The following SOCS2 variants were observed in gnomAD, a reference collection of about 807,000 sequenced individuals.
SOCS2 encodes CIS-2.
Under a neutral mutation model 18.6 loss-of-function variants are expected in SOCS2, and 10 were observed. That is an observed-to-expected ratio of 0.54 (90% CI 0.33 to 0.91). The LOEUF is 0.91. SOCS2 is among the 40% of genes least tolerant of loss of function. The pLI, the probability that SOCS2 is intolerant of heterozygous loss-of-function variation, is 0.02. For missense variants in SOCS2, 231 were observed against 247.2 expected, an observed-to-expected ratio of 0.93 and a Z score of 0.44; for synonymous variants, 104 against 104.0, an observed-to-expected ratio of 1.00 and a Z score of 0.00.
chr12:93,597,180 C>T, the SOCS2 span, among the ~76,000 whole-genome samples: 3 of 152,182 alleles, frequency 2.0e-5, no homozygotes, highest in South Asian at 2.1e-4. Context: ...CATTTTATTA[C>T]CTGTAGATTG....
In SOCS2 at chr12:93,576,442, G is replaced by A. The variant is rs1369488350; in HGVS notation, c.*1263G>A. ...TAATTTGAATAGGCATAACACTGAT[G>A]TCCTCTGTGTTTCCAAAAACATGGT... is the stretch of plus-strand genomic sequence containing the variant. On this transcript the variant is annotated 3_prime_UTR_variant, in exon 2 of 2. Transcript: ENST00000551556. 3 of 152,184 alleles carry A rather than the reference G, an allele frequency of 2.0e-5. No individual in the cohort carries two copies. The highest frequency in any genetic ancestry group is 6.5e-5 in the Admixed American group (1 of 15,276). The allele number at this position is 152,184 out of a possible 1,614,324, so 9.4% of individuals were successfully genotyped here. A position where few individuals can be genotyped will look rare whatever the true frequency, so the allele number is the denominator to read the frequency against.
chr12:93,601,980 T>C, the SOCS2 span, among the ~76,000 whole-genome samples: 1 of 152,228 alleles, frequency 6.6e-6, no homozygotes, highest in African/African-American at 2.4e-5. Flanking sequence ...ACCATCAGCA[T>C]GTACAGTTAC....
At chr12:93,595,369 G>T in the SOCS2 span, among the ~76,000 whole-genome samples, 1 of 152,268 alleles carries the variant, frequency 6.6e-6, no homozygotes, top group South Asian at 2.1e-4. Flanking sequence ...TGCAGATCCA[G>T]TCACTATAAA....
the SOCS2 span, among the ~76,000 whole-genome samples, chr12:93,619,363 G>C: frequency 6.6e-6 from 1 of 152,178 alleles, no homozygotes. Context: ...GAACAGGGCA[G>C]GAAGGGTGGG....
At chr12:93,618,110 C>T in the SOCS2 span, among the ~76,000 whole-genome samples, 2 of 152,174 alleles carry the variant, frequency 1.3e-5, no homozygotes, top group South Asian at 4.1e-4. Context: ...GTGGCACCTC[C>T]CACTCTCTCT....
At chr12:93,584,771 T>C (rs1012093211), downstream of SOCS2, among the ~76,000 whole-genome samples, 1 of 151,160 alleles carries the variant, frequency 6.6e-6, no homozygotes, top group African/African-American at 2.4e-5. Flanking sequence ...CTTCCCTTCT[T>C]TTTTTTTTGA....
the SOCS2 span, among the ~76,000 whole-genome samples, chr12:93,620,799 A>G: frequency 6.6e-6 from 1 of 152,236 alleles, no homozygotes; most frequent in South Asian, 2.1e-4. Context: ...ATTAAACACT[A>G]CAATTGTTAA....
chr12:93,577,648 AACCAGATCAACTGGAAAAG>A (rs1431549862), downstream of SOCS2, among the ~76,000 whole-genome samples: 1 of 151,120 alleles, frequency 6.6e-6, no homozygotes, highest in African/African-American at 2.5e-5. Flanking sequence ...ACTGCTGTTC[AACCAGATCAACTGGAAAAG>A]TATAGATACC....
the SOCS2 span, among the ~76,000 whole-genome samples, chr12:93,623,494 T>G: frequency 6.6e-6 from 1 of 152,174 alleles, no homozygotes; most frequent in Non-Finnish European, 1.5e-5. Flanking sequence ...TAGTTACATA[T>G]GTATACATGT....
chr12:93,614,539 CCTT>C, the SOCS2 span, among the ~76,000 whole-genome samples: 42 of 82,514 alleles, frequency 5.1e-4, 2 homozygotes, highest in African/African-American at 1.5e-3. Context: ...TTCCTTCCTT[CCTT>C]CTTTCTTTCT....
the SOCS2 span, among the ~76,000 whole-genome samples, chr12:93,617,454 A>G: frequency 6.6e-6 from 1 of 152,206 alleles, no homozygotes; most frequent in African/African-American, 2.4e-5. Context: ...TTATTGAACT[A>G]TGCACCTATG....
the SOCS2 span, among the ~76,000 whole-genome samples, chr12:93,616,685 G>T: frequency 6.6e-6 from 1 of 152,126 alleles, no homozygotes; most frequent in African/African-American, 2.4e-5. Context: ...AATGGGCGGG[G>T]GTATGTGTGC....
chr12:93,613,551 T>A, the SOCS2 span, among the ~76,000 whole-genome samples: 1 of 152,208 alleles, frequency 6.6e-6, no homozygotes, highest in Admixed American at 6.5e-5. Context: ...GGTGGGCATT[T>A]GTTAACCAGC....
chr12:93,605,848 T>A, the SOCS2 span, among the ~76,000 whole-genome samples: 3 of 152,240 alleles, frequency 2.0e-5, no homozygotes, highest in Admixed American at 2.0e-4. Context: ...TCTTCATAAT[T>A]GATATTTACT....
At chr12:93,623,737 C>T in the SOCS2 span, among the ~76,000 whole-genome samples, 13 of 151,846 alleles carry the variant, frequency 8.6e-5, no homozygotes, top group Admixed American at 1.3e-4. Context: ...GACAGGGTCT[C>T]GCTCTGCTGC....
the SOCS2 span, among the ~76,000 whole-genome samples, chr12:93,622,524 G>T: frequency 6.6e-6 from 1 of 152,176 alleles, no homozygotes; most frequent in Admixed American, 6.5e-5. Context: ...GACCAGTGAA[G>T]AAGAGATGTC....
chr12:93,622,693 C>G, the SOCS2 span, among the ~76,000 whole-genome samples: 1 of 152,106 alleles, frequency 6.6e-6, no homozygotes, highest in African/African-American at 2.4e-5. Context: ...ACTTCCTGCC[C>G]TTAAGTGGGA....
At chr12:93,611,341 G>A in the SOCS2 span, among the ~76,000 whole-genome samples, 115 of 152,256 alleles carry the variant, frequency 7.6e-4, 1 homozygote, top group Admixed American at 4.8e-3. Flanking sequence ...TGGTTCAAGC[G>A]ATTCTCCTGC....
At chr12:93,614,528 C>CTTTCTTTCTCTTTCT in the SOCS2 span, among the ~76,000 whole-genome samples, 2 of 80,438 alleles carry the variant, frequency 2.5e-5, no homozygotes, top group African/African-American at 1.4e-4. Flanking sequence ...TCCTTCCTTC[C>CTTTCTTTCTCTTTCT]TTCCTTCCTT....
Sources: gnomAD v4.1 joint callset for allele counts (sites outside exome capture counted in the v4.1 genomes callset) on GRCh38, gnomAD v4.1.1 for gene constraint, MANE v1.5 for transcripts, NCBI Gene and HGNC (gene_info 2026-07-23, HGNC 2026-07-21) for gene names.